Variants in FARSB observed in about 807,000 individuals in gnomAD.
The protein encoded by FARSB is phenylalanine--tRNA ligase beta subunit.
FARSB carries 40 observed loss-of-function variants against 69.6 expected under a neutral mutation model. That is an observed-to-expected ratio of 0.57 (90% CI 0.45 to 0.75). The LOEUF is 0.75. FARSB is among the 30% of genes least tolerant of loss of function. The pLI is 0.00. For missense variants in FARSB, 632 were observed against 722.9 expected (o/e 0.87, Z 1.44); for synonymous variants, 235 against 247.2 (o/e 0.95, Z 0.46).
At chr2:222,638,766 A>C (rs1008838465) in intron 5 of FARSB, among the ~76,000 whole-genome samples, 2 of 152,234 alleles carry the variant, frequency 1.3e-5, no homozygotes, top group Non-Finnish European at 2.9e-5. Flanking sequence ...TCACACAAAA[A>C]AATAAATAAA....
At chr2:222,589,349 T>C (rs1690203463) in intron 16 of FARSB, among the ~76,000 whole-genome samples, 2 of 152,080 alleles carry the variant, frequency 1.3e-5, no homozygotes, top group Admixed American at 1.3e-4. Context: ...TTACACCTTA[T>C]ACAAAAATTA....
intron 5 of FARSB, among the ~76,000 whole-genome samples, chr2:222,638,981 T>C (rs1691650733): frequency 1.3e-5 from 2 of 152,220 alleles, no homozygotes; most frequent in South Asian, 4.1e-4. Context: ...GGATTCCCGT[T>C]GTTACCTTCA....
chr2:222,654,587 T>G (rs1253401060), intron 1 of FARSB, among the ~76,000 whole-genome samples: 4 of 152,204 alleles, frequency 2.6e-5, no homozygotes, highest in Non-Finnish European at 5.9e-5. Context: ...AATAAGCTCA[T>G]TATAAAATAA....
At chr2:222,635,381 A>G (rs916092898) in intron 5 of FARSB, among the ~76,000 whole-genome samples, 17 of 152,224 alleles carry the variant, frequency 1.1e-4, no homozygotes, top group African/African-American at 4.1e-4. Context: ...GCTTAATATT[A>G]AATTTTGGTC....
intron 15 of FARSB, among the ~76,000 whole-genome samples, chr2:222,600,572 G>T (rs922987323): frequency 6.6e-6 from 1 of 152,146 alleles, no homozygotes; most frequent in Non-Finnish European, 1.5e-5. Context: ...AGGATACTAA[G>T]CGGCTATTAG....
chr2:222,597,452 A>G (rs573759865), intron 16 of FARSB, among the ~76,000 whole-genome samples: 23 of 152,310 alleles, frequency 1.5e-4, no homozygotes, highest in Middle Eastern at 3.4e-3. Flanking sequence ...TTAAAAAAAA[A>G]AAATTCTAAA....
At position 222,569,698 on chromosome 2, in the gene FARSB, C is replaced by T. The variant is rs1009028610; in HGVS notation, c.*2173G>A. The T allele has an allele frequency of 6.6e-6, 1 of 152,174 alleles. No individual in the cohort carries two copies. The highest frequency in any genetic ancestry group is 2.4e-5 in the African/African-American group (1 of 41,448). 9.4% of individuals were successfully genotyped at this position (152,174 alleles called of 1,614,324 possible). ...ACCACCTGCTTTTGACTTTTTTAGA[C>T]TCTCAGGTAAATAGAATTAAATAGA... On this transcript the variant is annotated 3_prime_UTR_variant, in exon 17 of 17. Coordinates refer to ENST00000281828, the MANE Select transcript of FARSB (RefSeq NM_005687.5).
rs1253039077 is a variant in FARSB at position 222,571,372 on chromosome 2, T to C, written c.*499A>G. The C allele has an allele frequency of 6.6e-6, 1 of 152,306 alleles. No individual in the cohort carries two copies. The highest frequency in any genetic ancestry group is 2.4e-5 in the African/African-American group (1 of 41,470). 9.4% of individuals were successfully genotyped at this position (152,306 alleles called of 1,614,324 possible). Reference sequence around the variant, plus strand: ...TAATTGTTGGACCATAATTGATTCTTAAACGTTTTCTAAAAATATTGTTAT... The same window carrying C: ...TAATTGTTGGACCATAATTGATTCTCAAACGTTTTCTAAAAATATTGTTAT... On this transcript the variant is annotated 3_prime_UTR_variant, in exon 17 of 17. Coordinates refer to ENST00000281828, the MANE Select transcript of FARSB (RefSeq NM_005687.5).
intron 15 of FARSB, among the ~76,000 whole-genome samples, chr2:222,607,632 A>G (rs1690736506): frequency 6.6e-6 from 1 of 152,078 alleles, no homozygotes; most frequent in South Asian, 2.1e-4. Flanking sequence ...AGTAGGACTA[A>G]GGAGAAGTTG....
chr2:222,606,552 A>G (rs1259731998), intron 15 of FARSB, among the ~76,000 whole-genome samples: 1 of 152,216 alleles, frequency 6.6e-6, no homozygotes, highest in Admixed American at 6.5e-5. Context: ...TATTTCACAG[A>G]CTTCAAAGTA....
intron 5 of FARSB, among the ~76,000 whole-genome samples, chr2:222,638,651 C>T (rs12617353): frequency 0.3 from 45,608 of 152,104 alleles, 7,584 homozygotes; most frequent in Non-Finnish European, 0.38. Context: ...AAAATGTCTA[C>T]GGTTCTCCCT....
chr2:222,619,639 T>A lies in FARSB; in HGVS notation c.1344+6A>T. On this transcript the variant is annotated splice_donor_region_variant and intron_variant, in intron 14 of 16. Transcript: ENST00000281828. ...ACATGAATTCTCACCTACTTAAAAT[T>A]CTTACCTGAAATTCAGCTGTTTTAG... The A allele has an allele frequency of 6.7e-7, 1 of 1,493,692 alleles. No homozygotes were observed. Among genetic ancestry groups the A allele is most frequent in the South Asian group, 1.1e-5 (1 of 88,176 alleles). The allele number at this position is 1,493,692 out of a possible 1,614,324, so 92.5% of individuals were successfully genotyped here.
chr2:222,624,603 ATATCTTAAC>A, intron 11 of FARSB, 102 bp downstream of exon 11: 1 of 923,164 alleles, frequency 1.1e-6, no homozygotes, highest in South Asian at 1.6e-5. Flanking sequence ...CAGAAACCAG[ATATCTTAAC>A]TGATGTTTTA....
At chr2:222,610,469 TGTTTTA>T (rs1337605772) in intron 15 of FARSB, among the ~76,000 whole-genome samples, 3 of 151,228 alleles carry the variant, frequency 2.0e-5, no homozygotes, top group East Asian at 3.9e-4. Context: ...CACATTCGTC[TGTTTTA>T]GTTTTCTTAT....
In FARSB at chr2:222,619,698, T is replaced by C. The variant is rs1160464572; in HGVS notation, c.1291A>G (p.Ile431Val). 1 of 1,606,612 alleles carries C rather than the reference T, an allele frequency of 6.2e-7. No homozygotes were observed. The highest frequency in any genetic ancestry group is 1.7e-5 in the Admixed American group (1 of 60,000). Residue 431 changes from isoleucine to valine, a missense_variant, in exon 14 of 17, where the codon ATC becomes GTC. Physicochemically the swap from Ile to Val is conservative, Grantham distance 29. Coordinates refer to ENST00000281828, the MANE Select transcript of FARSB (RefSeq NM_005687.5). ...ATGTGGACTGCCTTTGTTGCAGAGA[T>C]ATCCACACCTAGTTTATCAGCAATA... ...EDIADKLGVDISATKAVHISN... is the reference protein window; with the variant it reads ...EDIADKLGVDVSATKAVHISN...
chr2:222,637,856 G>A (rs1691625369), intron 5 of FARSB, among the ~76,000 whole-genome samples: 1 of 152,168 alleles, frequency 6.6e-6, no homozygotes, highest in East Asian at 1.9e-4. Flanking sequence ...GGTGACTCAT[G>A]CTTGTAGTCC....
At chr2:222,601,527 TA>T (rs1690561205) in intron 15 of FARSB, among the ~76,000 whole-genome samples, 2 of 152,140 alleles carry the variant, frequency 1.3e-5, no homozygotes, top group Non-Finnish European at 2.9e-5. Flanking sequence ...GAAATATACC[TA>T]AATGTTAACA....
chr2:222,578,780 C>T (rs1170847241), intron 16 of FARSB, among the ~76,000 whole-genome samples: 3 of 151,758 alleles, frequency 2.0e-5, no homozygotes, highest in Non-Finnish European at 4.4e-5. Context: ...GAGATCGAGA[C>T]CATCCTGGCT....
intron 10 of FARSB, among the ~76,000 whole-genome samples, chr2:222,628,549 G>T (rs1691335010): frequency 6.6e-6 from 1 of 152,168 alleles, no homozygotes; most frequent in Non-Finnish European, 1.5e-5. Flanking sequence ...TGTGTTTACA[G>T]CTGCTGTCAA....
Sources: allele counts gnomAD v4.1 joint callset (sites outside exome capture counted in the v4.1 genomes callset), GRCh38; gene constraint gnomAD v4.1.1; transcripts MANE v1.5; gene names NCBI Gene and HGNC (gene_info 2026-07-23, HGNC 2026-07-21).